TUBGCP5: variants seen among roughly 807,000 people sequenced by gnomAD.
The protein encoded by TUBGCP5 is gamma-tubulin complex component 5.
TUBGCP5 carries 98 observed loss-of-function variants against 134.7 expected under a neutral mutation model. The ratio of observed to expected loss-of-function variants is 0.73; its 90% confidence interval spans 0.62 to 0.86. The LOEUF is 0.86. TUBGCP5 is among the 40% of genes least tolerant of loss of function. The pLI, the probability that TUBGCP5 is intolerant of heterozygous loss-of-function variation, is 0.00. For missense variants in TUBGCP5, 1,150 were observed against 1,244.8 expected (o/e 0.92, Z 1.15); for synonymous variants, 456 against 431.4 (o/e 1.06, Z -0.71).
At chr15:23,035,667 C>CACATA (rs1432289304) in intron 3 of TUBGCP5, among the ~76,000 whole-genome samples, 2 of 152,108 alleles carry the variant, frequency 1.3e-5, no homozygotes, top group Non-Finnish European at 2.9e-5. Context: ...TCCTAGCAGG[C>CACATA]ACATATTGGT....
rs144473435 is a variant in TUBGCP5 at position 22,993,584 on chromosome 15, G to A, written c.*61+3261C>T. ...ATATGAGACGGAGTCTCGCTCTGTCGCCCAGGCTGGAGTGTAATGGTGCGA... is the reference window on the plus strand; with the variant it reads ...ATATGAGACGGAGTCTCGCTCTGTCACCCAGGCTGGAGTGTAATGGTGCGA... On this transcript the variant is annotated intron_variant and NMD_transcript_variant, in intron 23 of 23. Transcript: ENST00000614508. Among the ~76,000 whole-genome samples the A allele has an allele frequency of 6.3e-3, 797 of 126,818 alleles. 11 individuals carry two copies. The highest frequency in any genetic ancestry group is 0.022 in the African/African-American group (735 of 32,888). 83.2% of individuals were successfully genotyped at this position (126,818 alleles called of 152,430 possible).
chr15:23,021,918 G>T (rs757529739), intron 11 of TUBGCP5, 41 bp downstream of exon 11: 3 of 1,573,754 alleles, frequency 1.9e-6, no homozygotes, highest in South Asian at 2.2e-5. Flanking sequence ...CCTCTGCTGT[G>T]CAGCATGGAG....
At chr15:23,037,715 GA>G (rs2140719455) in intron 1 of TUBGCP5, among the ~76,000 whole-genome samples, 1 of 152,304 alleles carries the variant, frequency 6.6e-6, no homozygotes, top group African/African-American at 2.4e-5. Flanking sequence ...ACTCTGATGT[GA>G]AAACAGTATG....
At chr15:23,032,898 C>T in intron 3 of TUBGCP5, 74 bp from the exon 4 acceptor site, 2 of 1,118,084 alleles carry the variant, frequency 1.8e-6, no homozygotes, top group Non-Finnish European at 2.5e-6. Flanking sequence ...GTAAAGATAA[C>T]TCCATGACAG....
intron 3 of TUBGCP5, among the ~76,000 whole-genome samples, chr15:23,034,962 G>A (rs8026968): frequency 0.037 from 5,639 of 151,952 alleles, 352 homozygotes; most frequent in African/African-American, 0.13. Flanking sequence ...CAAAAAAAAA[G>A]AGAGTATACA....
intron 21 of TUBGCP5, among the ~76,000 whole-genome samples, chr15:23,002,549 A>G (rs989730152): frequency 2.6e-5 from 4 of 152,158 alleles, no homozygotes; most frequent in Non-Finnish European, 5.9e-5. Context: ...AATAACAAAC[A>G]CTCTCAAAAC....
intron 23 of TUBGCP5, among the ~76,000 whole-genome samples, chr15:22,989,523 GGTCT>G (rs1028166250): frequency 1.3e-5 from 2 of 152,084 alleles, no homozygotes; most frequent in Admixed American, 6.6e-5. Context: ...TACTTGTCTT[GGTCT>G]GTCTTTTTAA....
chr15:23,023,807 T>A (rs1255111958), intron 10 of TUBGCP5, 140 bp downstream of exon 10: 3 of 773,778 alleles, frequency 3.9e-6, no homozygotes, highest in Non-Finnish European at 5.7e-6. Context: ...AAATATAAAT[T>A]TAAAATAATT....
chr15:23,027,307 C>G lies in TUBGCP5; in HGVS notation c.623-1G>C. On this transcript the variant is annotated splice_acceptor_variant, in intron 6 of 22. Coordinates refer to ENST00000615383, the MANE Select transcript of TUBGCP5 (RefSeq NM_052903.6). LOFTEE classifies it high-confidence loss of function. ...AGCCAGCTTCGGTCATCTGGCTCAT[C>G]TGCTTGAAAGAAATGTAATCAGTTT... 2.5e-6 allele frequency: 4 copies of G among 1,613,084 alleles called. No individual in the cohort carries two copies. The highest frequency in any genetic ancestry group is 3.4e-6 in the Non-Finnish European group (4 of 1,179,350).
chr15:23,010,572 G>A (rs2064976538), intron 14 of TUBGCP5, among the ~76,000 whole-genome samples: 1 of 152,192 alleles, frequency 6.6e-6, no homozygotes, highest in African/African-American at 2.4e-5. Context: ...CGAGGGCACA[G>A]ACAAAAGTTG....
intron 5 of TUBGCP5, 28 bp from the exon 6 acceptor site, chr15:23,031,048 C>T: frequency 1.3e-6 from 2 of 1,596,676 alleles, no homozygotes; most frequent in Non-Finnish European, 1.7e-6. Flanking sequence ...TACACTTTAG[C>T]TTTACAGAGT....
In TUBGCP5 at chr15:23,004,204, C is replaced by T. The variant is rs1403129789; in HGVS notation, c.2736G>A (p.Glu912=). Reference sequence around the variant, plus strand: ...TGGCTTCCTCGACTTGATGTTGAAACTCCAGCCCTGTACTGTGTAGAATCT... The same window carrying T: ...TGGCTTCCTCGACTTGATGTTGAAATTCCAGCCCTGTACTGTGTAGAATCT... ...MTRILHSTGL[E]FQHQVEEAKD... is the part of the protein sequence containing the mutation. Residue 912 remains glutamate, a synonymous_variant, in exon 20 of 23, where the codon GAG becomes GAA. Transcript: ENST00000615383. The T allele has an allele frequency of 6.2e-7, 1 of 1,613,390 alleles. No homozygotes were observed. The highest frequency in any genetic ancestry group is 2.2e-5 in the East Asian group (1 of 44,872).
chr15:23,006,753 G>C (rs1399423611), intron 16 of TUBGCP5, among the ~76,000 whole-genome samples: 1 of 152,130 alleles, frequency 6.6e-6, no homozygotes, highest in Non-Finnish European at 1.5e-5. Flanking sequence ...TGCTTCGAGA[G>C]CCCCATCGAG....
intron 6 of TUBGCP5, among the ~76,000 whole-genome samples, chr15:23,028,283 G>A (rs1235849872): frequency 1.3e-5 from 2 of 151,010 alleles, no homozygotes; most frequent in African/African-American, 4.9e-5. Flanking sequence ...AGGAGGCTGA[G>A]GTGGGAGGAT....
chr15:23,005,338 G>A (rs558843257), intron 19 of TUBGCP5, 94 bp downstream of exon 19: 6 of 1,409,504 alleles, frequency 4.3e-6, no homozygotes, highest in Admixed American at 4.4e-5. Flanking sequence ...CAGTCTGTAG[G>A]TATTTTTTAC....
chr15:23,024,001 A>C lies in TUBGCP5; in HGVS notation c.1114T>G (p.Phe372Val). Residue 372 changes from phenylalanine (F) to valine (V), a missense_variant, in exon 10 of 23, where the codon TTC (phenylalanine) becomes GTC (valine). Phe to Val is a conservative substitution (Grantham distance 50). Coordinates refer to ENST00000615383, the MANE Select transcript of TUBGCP5 (RefSeq NM_052903.6). ...QAFMWALYKYFISFKEELAEI... is the reference protein window; with the variant it reads ...QAFMWALYKYVISFKEELAEI... ...GCAAGTTCCTCTTTGAAACTAATGA[A>C]ATATTTGTACAGGGCCCACATGAAA... 6.2e-7 allele frequency: 1 copy of C among 1,614,084 alleles called. No homozygotes were observed. The highest frequency in any genetic ancestry group is 8.5e-7 in the Non-Finnish European group (1 of 1,179,988).
downstream of TUBGCP5, among the ~76,000 whole-genome samples, chr15:22,998,193 A>G: frequency 6.6e-6 from 1 of 151,946 alleles, no homozygotes; most frequent in East Asian, 2.0e-4. Context: ...TGCACGCCTG[A>G]GATCCCAGCT....
intron 9 of TUBGCP5, 59 bp downstream of exon 9, chr15:23,024,678 T>G (rs2065890937): frequency 2.2e-6 from 2 of 916,536 alleles, no homozygotes; most frequent in Non-Finnish European, 3.3e-6. Context: ...GTTCTAAAAT[T>G]ATATTACTAG....
intron 4 of TUBGCP5, 89 bp downstream of exon 4, chr15:23,032,639 G>A (rs1023398219): frequency 3.5e-6 from 3 of 857,410 alleles, no homozygotes; most frequent in Non-Finnish European, 5.2e-6. Flanking sequence ...CAGATTTTTA[G>A]AAGTTTCAAT....
Sources: gnomAD v4.1 joint callset for allele counts (sites outside exome capture counted in the v4.1 genomes callset) on GRCh38, gnomAD v4.1.1 for gene constraint, MANE v1.5 for transcripts, NCBI Gene and HGNC (gene_info 2026-07-23, HGNC 2026-07-21) for gene names.